Variants in TDRP observed in about 807,000 individuals in gnomAD.
TDRP encodes the protein testis development-related protein.
Under a neutral mutation model 10.5 loss-of-function variants are expected in TDRP, and 12 were observed. That is an observed-to-expected ratio of 1.15 (90% CI 0.73 to 1.86). TDRP has a LOEUF of 1.86. Among genes scored for constraint, TDRP ranks in the 40% most tolerant of loss-of-function variants. The probability of loss-of-function intolerance (pLI) is 0.00; values close to 1 mark genes in which losing one functional copy is unlikely to be tolerated. For synonymous variants in TDRP, 139 were observed against 95.4 expected (o/e 1.46, Z -2.67); for missense variants, 353 against 229.2 (o/e 1.54, Z -3.49).
In TDRP at chr8:544,630, C is replaced by A. The variant is rs1271651277; in HGVS notation, c.108+20G>T. 16 of 1,234,686 alleles carry A rather than the reference C, an allele frequency of 1.3e-5. No homozygotes were observed. Among genetic ancestry groups the A allele is most frequent in the Non-Finnish European group, 1.6e-5 (16 of 988,504 alleles). 76.5% of individuals were successfully genotyped at this position (1,234,686 alleles called of 1,614,324 possible). A position where few individuals can be genotyped will look rare whatever the true frequency, so the allele number is the denominator to read the frequency against. ...CGCGCCCCCGGCCTACTAGCACTCC[C>A]CACCTGCGCACCCCCTCACCTGCGC... On this transcript the variant is annotated intron_variant, in intron 1 of 2. Coordinates refer to ENST00000324079, the MANE Select transcript of TDRP (RefSeq NM_001384899.1).
intron 1 of TDRP, among the ~76,000 whole-genome samples, chr8:539,501 C>T (rs116308525): frequency 0.012 from 1,806 of 152,176 alleles, 35 homozygotes; most frequent in African/African-American, 0.041. Context: ...CAAACACAGA[C>T]GAAAGAATGA....
At chr8:527,252 T>C (rs1802058643) in intron 1 of TDRP, among the ~76,000 whole-genome samples, 1 of 152,098 alleles carries the variant, frequency 6.6e-6, no homozygotes, top group African/African-American at 2.4e-5. Context: ...AAAACACTGA[T>C]GCAAGAAATT....
rs1220939640 is a variant in TDRP, at chr8:492,393, C to T, written c.*6G>A. 7.3e-6 allele frequency: 11 copies of T among 1,509,940 alleles called. No individual in the cohort carries two copies. The highest frequency in any genetic ancestry group is 5.5e-5 in the South Asian group (4 of 72,828). 93.5% of individuals were successfully genotyped at this position (1,509,940 alleles called of 1,614,324 possible). ...ATGTCGGGGCACACTTGCCACGCAG[C>T]CCCCCTCACTCCGCCTCCTCCGGGC... On this transcript the variant is annotated 3_prime_UTR_variant, in exon 3 of 3. Coordinates refer to ENST00000324079, the MANE Select transcript of TDRP (RefSeq NM_001384899.1).
intron 1 of TDRP, among the ~76,000 whole-genome samples, chr8:544,338 A>C (rs1445039122): frequency 1.3e-5 from 2 of 151,846 alleles, no homozygotes; most frequent in Non-Finnish European, 2.9e-5. Context: ...CTGCGCCCCG[A>C]GTAACACGTG....
chr8:542,600 C>G (rs1802527706), intron 1 of TDRP, among the ~76,000 whole-genome samples: 1 of 152,124 alleles, frequency 6.6e-6, no homozygotes, highest in Non-Finnish European at 1.5e-5. Context: ...CGCGGTGGCT[C>G]ACGCCTGTAA....
At chr8:516,891 G>A (rs544066934) in intron 1 of TDRP, among the ~76,000 whole-genome samples, 2 of 152,248 alleles carry the variant, frequency 1.3e-5, no homozygotes, top group African/African-American at 4.8e-5. Context: ...TGGATAAGCT[G>A]GTACATCCAG....
rs188170149 is a variant in TDRP, at chr8:544,395, T to G, written c.108+255A>C. Among the ~76,000 whole-genome samples, 1,220 of 152,118 alleles carry G rather than the reference T, an allele frequency of 8.0e-3. 10 individuals are homozygous for G. Among genetic ancestry groups the G allele is most frequent in the African/African-American group, 0.027 (1,122 of 41,540 alleles). On this transcript the variant is annotated intron_variant, in intron 1 of 2. Transcript: ENST00000324079. ...CAAGCGGCGAGAACGCCGGCAGCCC[T>G]GGCCAGTTAAGCGGGGAGTGGGTCC...
chr8:516,223 C>T (rs551714359), intron 1 of TDRP, among the ~76,000 whole-genome samples: 17 of 152,248 alleles, frequency 1.1e-4, no homozygotes, highest in African/African-American at 3.9e-4. Flanking sequence ...AACCTATTCC[C>T]TTGTCATAAA....
At chr8:544,847 T>C (rs1584890318), upstream of TDRP, 4 of 996,108 alleles carry the variant, frequency 4.0e-6, no homozygotes, top group Admixed American at 4.4e-5. Flanking sequence ...CTGCGGCTCC[T>C]GCGGGACGCG....
At chr8:544,137 C>T (rs1452719173) in intron 1 of TDRP, among the ~76,000 whole-genome samples, 2 of 152,168 alleles carry the variant, frequency 1.3e-5, no homozygotes, top group East Asian at 1.9e-4. Context: ...AAACATTTAG[C>T]CCACTTAACA....
At chr8:516,056 A>T (rs939377614) in intron 1 of TDRP, among the ~76,000 whole-genome samples, 15 of 152,210 alleles carry the variant, frequency 9.9e-5, no homozygotes, top group African/African-American at 3.6e-4. Flanking sequence ...TGAATAAATA[A>T]AGAGAAAAAT....
chr8:544,339 G>A (rs1002575696), intron 1 of TDRP, among the ~76,000 whole-genome samples: 2 of 152,010 alleles, frequency 1.3e-5, no homozygotes, highest in Non-Finnish European at 2.9e-5. Flanking sequence ...TGCGCCCCGA[G>A]TAACACGTGC....
intron 1 of TDRP, among the ~76,000 whole-genome samples, chr8:528,337 G>A (rs1802092130): frequency 2.0e-5 from 3 of 152,150 alleles, no homozygotes; most frequent in South Asian, 2.1e-4. Context: ...AGCCACTATG[G>A]AGAACAGTTT....
chr8:501,522 T>C (rs1462630112), intron 1 of TDRP, among the ~76,000 whole-genome samples: 1 of 151,922 alleles, frequency 6.6e-6, no homozygotes, highest in African/African-American at 2.4e-5. Flanking sequence ...AATTTTTGTA[T>C]TTTTAGTAAA....
In TDRP at chr8:490,830, T is replaced by A. The variant is rs1000072190; in HGVS notation, c.*1569A>T. The A allele has an allele frequency of 6.6e-6, 1 of 152,120 alleles. No homozygotes were observed. Among genetic ancestry groups the A allele is most frequent in the Non-Finnish European group, 1.5e-5 (1 of 68,018 alleles). 9.4% of individuals were successfully genotyped at this position (152,120 alleles called of 1,614,324 possible). A position where few individuals can be genotyped will look rare whatever the true frequency, so the allele number is the denominator to read the frequency against. ...GCTGGAATTTTTGTTTGAACACCAA[T>A]TGAAACATGTCCCCCTTTCAAGACT... On this transcript the variant is annotated 3_prime_UTR_variant, in exon 3 of 3. Coordinates refer to ENST00000324079, the MANE Select transcript of TDRP (RefSeq NM_001384899.1).
At chr8:538,520 T>C (rs1234912341) in intron 1 of TDRP, among the ~76,000 whole-genome samples, 1 of 152,158 alleles carries the variant, frequency 6.6e-6, no homozygotes, top group African/African-American at 2.4e-5. Context: ...GCTCTATTTA[T>C]CCCAATTTTA....
intron 1 of TDRP, among the ~76,000 whole-genome samples, chr8:500,944 CA>C (rs1398230833): frequency 4.7e-4 from 71 of 152,230 alleles, no homozygotes; most frequent in South Asian, 4.1e-4. Context: ...CGGTGTCTCA[CA>C]CCTGTAATCC....
intron 1 of TDRP, among the ~76,000 whole-genome samples, chr8:533,815 G>A (rs1024281798): frequency 4.6e-5 from 7 of 152,034 alleles, no homozygotes; most frequent in African/African-American, 1.5e-4. Context: ...GATGTACACC[G>A]GTTCTCTTTC....
At position 491,262 on chromosome 8, in the gene TDRP, GT is replaced by G. The variant is rs1287943418; in HGVS notation, c.*1136del. 5.4e-6 allele frequency: 1 copy of G among 183,768 alleles called. No individual in the cohort carries two copies. Among genetic ancestry groups the G allele is most frequent in the Non-Finnish European group, 1.1e-5 (1 of 89,418 alleles). The allele number at this position is 183,768 out of a possible 1,614,324, so 11.4% of individuals were successfully genotyped here. Reference sequence around the variant, plus strand: ...AGGGGAATGCACAGTGTAACTGGAGGTTTTATTTTACTTTTAAACAAAAAAG... The same window carrying G: ...AGGGGAATGCACAGTGTAACTGGAGGTTTATTTTACTTTTAAACAAAAAAG... On this transcript the variant is annotated 3_prime_UTR_variant, in exon 3 of 3. Transcript: ENST00000324079.
Sources: allele counts gnomAD v4.1 joint callset (sites outside exome capture counted in the v4.1 genomes callset), GRCh38; gene constraint gnomAD v4.1.1; transcripts MANE v1.5; gene names NCBI Gene and HGNC (gene_info 2026-07-23, HGNC 2026-07-21).